TSPO: variants seen among roughly 807,000 people sequenced by gnomAD.
The protein encoded by TSPO is benzodiazepine peripheral binding site.
A neutral mutation model predicts 13.9 loss-of-function variants in TSPO; 14 were observed. That is an observed-to-expected ratio of 1.01 (90% confidence interval 0.67 to 1.58). TSPO has a LOEUF of 1.58. Ranked by LOEUF, TSPO falls within the 40% of genes most tolerant of loss-of-function variation. TSPO has a pLI of 0.00. For synonymous variants in TSPO, 114 were observed against 105.9 expected (o/e 1.08, Z -0.47); for missense variants, 232 against 229.6 (o/e 1.01, Z -0.07).
chr22:43,159,254 G>A lies in TSPO; in HGVS notation c.16G>A (p.Val6Met). 1.2e-5 allele frequency: 18 copies of A among 1,556,752 alleles called. No homozygotes were observed. Among genetic ancestry groups the A allele is most frequent in the Non-Finnish European group, 1.6e-5 (18 of 1,151,282 alleles). MAPPW[V>M]PAMGFTLAPS... The stretch of plus-strand genomic sequence containing the variant: ...TGCAGCAGCCATGGCCCCGCCCTGG[G>A]TGCCCGCCATGGGCTTCACGCTGGC... Residue 6 changes from valine to methionine, a missense_variant, in exon 2 of 4, where the codon GTG (valine) becomes ATG (methionine). Val to Met is a conservative substitution (Grantham distance 21). Coordinates refer to ENST00000337554, the MANE Select transcript of TSPO (RefSeq NM_000714.6).
At chr22:43,154,352 CTTTA>C (rs770364413) in intron 1 of TSPO, among the ~76,000 whole-genome samples, 15 of 150,908 alleles carry the variant, frequency 9.9e-5, no homozygotes, top group East Asian at 7.8e-4. Context: ...TTTTTGTTTG[CTTTA>C]TTTATTTATT....
intron 2 of TSPO, among the ~76,000 whole-genome samples, chr22:43,160,246 C>T (rs901941621): frequency 3.9e-5 from 6 of 152,162 alleles, no homozygotes; most frequent in Admixed American, 6.5e-5. Flanking sequence ...GGCCTTCCTA[C>T]ACCACCCAGT....
chr22:43,161,241 G>A, intron 3 of TSPO, 51 bp downstream of exon 3: 2 of 1,575,678 alleles, frequency 1.3e-6, no homozygotes, highest in Non-Finnish European at 1.7e-6. Flanking sequence ...GACCCTTGGA[G>A]GACGTGGGGC....
chr22:43,157,279 G>GCAGGAGGGCGGGGCGGGA (rs1931280657), intron 1 of TSPO, among the ~76,000 whole-genome samples: 4 of 146,938 alleles, frequency 2.7e-5, no homozygotes, highest in African/African-American at 1.0e-4. Context: ...GGAGGGCGGG[G>GCAGGAGGGCGGGGCGGGA]CAGGAGGGCG....
intron 2 of TSPO, among the ~76,000 whole-genome samples, 156 bp from the exon 3 acceptor site, chr22:43,160,896 A>AT (rs1394918546): frequency 2.0e-5 from 3 of 152,230 alleles, no homozygotes; most frequent in Admixed American, 6.5e-5. Flanking sequence ...CAGCAACCCT[A>AT]TGAAAAATGA....
intron 3 of TSPO, 140 bp from the exon 4 acceptor site, chr22:43,162,663 T>C: frequency 1.2e-6 from 1 of 812,644 alleles, no homozygotes; most frequent in Non-Finnish European, 1.9e-6. Context: ...GGGAGGGGCT[T>C]GGCCAGGTCA....
chr22:43,162,805 C>G lies in TSPO; in HGVS notation c.324C>G (p.Ala108=), dbSNP rs1196406397. 6.3e-7 allele frequency: 1 copy of G among 1,580,304 alleles called. No homozygotes were observed. The highest frequency in any genetic ancestry group is 1.2e-5 in the South Asian group (1 of 86,230). The change falls in exon 4 of 4, where the codon GCC becomes GCG. Residue 108 remains alanine, a splice_region_variant and synonymous_variant. Transcript: ENST00000337554. ...IFFGARQMGW[A]LVDLLLVSGA... ...CCTCCGTCCCCCAATCTCTGCAGGC[C>G]TTGGTGGATCTCCTGCTGGTCAGTG... is the stretch of plus-strand genomic sequence containing the variant.
chr22:43,162,684 G>C, intron 3 of TSPO, 119 bp from the exon 4 acceptor site: 1 of 1,007,474 alleles, frequency 9.9e-7, no homozygotes, highest in Non-Finnish European at 1.4e-6. Flanking sequence ...CTCAAGGGTG[G>C]AGTGGGGGTG....
At chr22:43,159,490 G>C (rs1291487720) in intron 2 of TSPO, 70 bp downstream of exon 2, 1 of 1,347,728 alleles carries the variant, frequency 7.4e-7, no homozygotes, top group East Asian at 2.9e-5. Flanking sequence ...CCAGGACAGA[G>C]GGTCTTCTCC....
Position 43,163,126 on chromosome 22 carries a change from G to T in TSPO, c.*135G>T. The T allele has an allele frequency of 1.3e-6, 2 of 1,489,990 alleles. No homozygotes were observed. 92.3% of individuals were successfully genotyped at this position (1,489,990 alleles called of 1,614,324 possible). On this transcript the variant is annotated 3_prime_UTR_variant, in exon 4 of 4. Transcript: ENST00000337554. ...TGGCCCAGGGGTCAGCAGAGCTTCA[G>T]AGGTGGCCCCACCTGAGCCCCCACC... is the stretch of plus-strand genomic sequence containing the variant.
chr22:43,155,541 T>A (rs1011923021), intron 1 of TSPO, among the ~76,000 whole-genome samples: 1 of 152,218 alleles, frequency 6.6e-6, no homozygotes, highest in African/African-American at 2.4e-5. Flanking sequence ...TGAGGCCCTG[T>A]CTTCCCCTGG....
rs182919256 is a variant in TSPO, at chr22:43,158,089, C to T, written c.-29-1121C>T. The stretch of plus-strand genomic sequence containing the variant: ...CCCCTTCTCCCTGGGGCCAGATTTG[C>T]CCTTTGCCCTTTGCCCCTGCCAAAG... On this transcript the variant is annotated intron_variant, in intron 1 of 3. Transcript: ENST00000337554. Among the ~76,000 whole-genome samples, 162 of 152,266 alleles carry T rather than the reference C, an allele frequency of 1.1e-3. 1 individual carries two copies. Among genetic ancestry groups the T allele is most frequent in the Admixed American group, 1.8e-3 (27 of 15,304 alleles).
Position 43,162,879 on chromosome 22 carries a change from C to T in TSPO, c.398C>T (p.Ala133Val). Residue 133 changes from alanine to valine, a missense_variant, in exon 4 of 4, where the codon GCC (alanine) becomes GTC (valine). Ala to Val is a moderately conservative substitution (Grantham distance 64, BLOSUM62 0). Coordinates refer to ENST00000337554, the MANE Select transcript of TSPO (RefSeq NM_000714.6). ...GCCTGGTACCAGGTGAGCCCGCTGG[C>T]CGCCCGCCTGCTCTACCCCTACCTG... ...TVAWYQVSPL[A>V]ARLLYPYLAW... 2 of 1,577,874 alleles carry T rather than the reference C, an allele frequency of 1.3e-6. No individual in the cohort carries two copies. Among genetic ancestry groups the T allele is most frequent in the South Asian group, 1.2e-5 (1 of 86,486 alleles).
chr22:43,158,672 C>A (rs1046604931), intron 1 of TSPO, among the ~76,000 whole-genome samples: 2 of 152,234 alleles, frequency 1.3e-5, no homozygotes, highest in South Asian at 2.1e-4. Flanking sequence ...GAGCTGTGCT[C>A]AAGGTAGGTG....
chr22:43,155,425 C>T (rs1302521892), intron 1 of TSPO, among the ~76,000 whole-genome samples: 1 of 152,224 alleles, frequency 6.6e-6, no homozygotes, highest in Non-Finnish European at 1.5e-5. Flanking sequence ...TACCCTGCCC[C>T]GATCTTGCCC....
intron 1 of TSPO, 199 bp downstream of exon 1, chr22:43,151,803 C>T (rs2081405742): frequency 6.6e-6 from 1 of 152,192 alleles, no homozygotes; most frequent in South Asian, 2.1e-4. Context: ...CCTCCGCGGC[C>T]GGGGTTCCAG....
At chr22:43,154,842 C>T (rs1484483167) in intron 1 of TSPO, among the ~76,000 whole-genome samples, 1 of 152,124 alleles carries the variant, frequency 6.6e-6, no homozygotes, top group Non-Finnish European at 1.5e-5. Context: ...TGGGTCCCAC[C>T]CTCAGTGGGG....
chr22:43,156,115 C>T (rs1359016593), intron 1 of TSPO, among the ~76,000 whole-genome samples: 5 of 152,248 alleles, frequency 3.3e-5, no homozygotes, highest in African/African-American at 9.6e-5. Context: ...GGGTCATAAC[C>T]ACAGCCAGGC....
At chr22:43,154,935 C>T (rs1188246141) in intron 1 of TSPO, among the ~76,000 whole-genome samples, 1 of 151,968 alleles carries the variant, frequency 6.6e-6, no homozygotes, top group Non-Finnish European at 1.5e-5. Flanking sequence ...TGCTACTGGC[C>T]CTGAGAGAAC....
Sources: allele counts gnomAD v4.1 joint callset (sites outside exome capture counted in the v4.1 genomes callset), GRCh38; gene constraint gnomAD v4.1.1; transcripts MANE v1.5; gene names NCBI Gene and HGNC (gene_info 2026-07-23, HGNC 2026-07-21).